The following CGNL1 variants were observed in gnomAD, a reference collection of about 807,000 sequenced individuals.
CGNL1 encodes the protein cingulin-like protein 1.
Under a neutral mutation model 141.2 loss-of-function variants are expected in CGNL1, and 132 were observed. The observed-to-expected ratio is 0.93, with a 90% CI of 0.81 to 1.08. The LOEUF (loss-of-function observed/expected upper bound fraction) is 1.08, where lower values mean the gene tolerates loss of function less well. CGNL1 is among the 50% of genes least tolerant of loss of function. The probability of loss-of-function intolerance (pLI) is 0.00; values close to 1 mark genes in which losing one functional copy is unlikely to be tolerated. For missense variants in CGNL1, 1,870 were observed against 1,588.6 expected, an observed-to-expected ratio of 1.18 and a Z score of -3.01; for synonymous variants, 690 against 622.1, an observed-to-expected ratio of 1.11 and a Z score of -1.63.
At chr15:57,526,766 C>T (rs1011779655) in intron 12 of CGNL1, among the ~76,000 whole-genome samples, 4 of 152,100 alleles carry the variant, frequency 2.6e-5, no homozygotes, top group African/African-American at 7.2e-5. Flanking sequence ...TCTCTTCTGC[C>T]GGCCCTCGTC....
At chr15:57,381,937 T>C (rs1323068782) in intron 1 of CGNL1, among the ~76,000 whole-genome samples, 1 of 152,218 alleles carries the variant, frequency 6.6e-6, no homozygotes, top group Non-Finnish European at 1.5e-5. Flanking sequence ...GATTAGGCTG[T>C]GCAGAAAGTC....
intron 1 of CGNL1, among the ~76,000 whole-genome samples, chr15:57,409,535 A>G (rs375742753): frequency 6.6e-6 from 1 of 152,256 alleles, no homozygotes; most frequent in South Asian, 2.1e-4. Flanking sequence ...ATATAGCTCT[A>G]ATTAGGGCCA....
chr15:57,470,197 A>G (rs570518036), intron 8 of CGNL1, among the ~76,000 whole-genome samples: 11 of 150,250 alleles, frequency 7.3e-5, no homozygotes, highest in African/African-American at 2.7e-4. Context: ...AACTTTCCAT[A>G]GGCAAAAGTG....
chr15:57,396,155 A>G (rs145027830), intron 1 of CGNL1, among the ~76,000 whole-genome samples: 1 of 152,142 alleles, frequency 6.6e-6, no homozygotes, highest in Non-Finnish European at 1.5e-5. Flanking sequence ...ATATTGCTAC[A>G]TTTCTTATTG....
In CGNL1 at chr15:57,550,327, C is replaced by T. The variant is rs11545026; in HGVS notation, c.*2837C>T. The T allele has an allele frequency of 0.038, 5,731 of 152,704 alleles. 184 individuals carry two copies. The highest frequency in any genetic ancestry group is 0.087 in the African/African-American group (3,630 of 41,554). 9.5% of individuals were successfully genotyped at this position (152,704 alleles called of 1,614,324 possible). A position where few individuals can be genotyped will look rare whatever the true frequency, so the allele number is the denominator to read the frequency against. ...GGAACAAAGTGCAGATTAGTGCCCA[C>T]GGTCCTTTCCAGGTATAACATGCTA... On this transcript the variant is annotated 3_prime_UTR_variant, in exon 19 of 19. Coordinates refer to ENST00000281282, the MANE Select transcript of CGNL1 (RefSeq NM_032866.5).
At position 57,473,835 on chromosome 15, in the gene CGNL1, C is replaced by G. The variant is rs189822463; in HGVS notation, c.2403+11943C>G. Among the ~76,000 whole-genome samples, 11 of 151,246 alleles carry G rather than the reference C, an allele frequency of 7.3e-5. 1 individual carries two copies. Among genetic ancestry groups the G allele is most frequent in the Admixed American group, 4.6e-4 (7 of 15,200 alleles). ...CCTTGACTAACATCTTGACTGCAGCCTCATCAGAAACCCTGAGCCAGAACT... is the reference window on the plus strand; with the variant it reads ...CCTTGACTAACATCTTGACTGCAGCGTCATCAGAAACCCTGAGCCAGAACT... On this transcript the variant is annotated intron_variant, in intron 8 of 18. Coordinates refer to ENST00000281282, the MANE Select transcript of CGNL1 (RefSeq NM_032866.5).
chr15:57,545,095 C>A (rs1473463286), intron 16 of CGNL1, among the ~76,000 whole-genome samples: 1 of 152,184 alleles, frequency 6.6e-6, no homozygotes, highest in Admixed American at 6.5e-5. Context: ...CAGTTCTCTG[C>A]AGCTAACTCT....
intron 1 of CGNL1, among the ~76,000 whole-genome samples, chr15:57,432,932 A>G (rs1247255049): frequency 2.0e-5 from 3 of 152,122 alleles, no homozygotes; most frequent in Non-Finnish European, 4.4e-5. Flanking sequence ...TTGAAATGTA[A>G]TTAGTGTTGA....
At position 57,547,830 on chromosome 15, in the gene CGNL1, G is replaced by C. The variant is rs545746197; in HGVS notation, c.*340G>C. On this transcript the variant is annotated 3_prime_UTR_variant, in exon 19 of 19. Transcript: ENST00000281282. Reference sequence around the variant, plus strand: ...TCATCACTCCCCCTGCCAAGACAAAGGGTCCAGAAGGCTAGGACTTACTTA... The same window carrying C: ...TCATCACTCCCCCTGCCAAGACAAACGGTCCAGAAGGCTAGGACTTACTTA... The C allele has an allele frequency of 1.5e-5, 4 of 261,910 alleles. No homozygotes were observed. The South Asian group carries it at 2.7e-4, about 18-fold the overall frequency. 16.2% of individuals were successfully genotyped at this position (261,910 alleles called of 1,614,324 possible).
chr15:57,507,354 G>T lies in CGNL1; in HGVS notation c.2404-9426G>T, dbSNP rs1017317907. On this transcript the variant is annotated intron_variant, in intron 8 of 18. Coordinates refer to ENST00000281282, the MANE Select transcript of CGNL1 (RefSeq NM_032866.5). ...TGTGAGCAAATATGAGGATTTTATT[G>T]TCGTAACTTTTGTCTTGGACCTATA... 2.6e-5 allele frequency among the ~76,000 whole-genome samples: 4 copies of T among 152,110 alleles called. No homozygotes were observed. The South Asian group carries it at 6.2e-4, about 24-fold the overall frequency.
intron 1 of CGNL1, among the ~76,000 whole-genome samples, chr15:57,412,769 AC>A (rs2062804517): frequency 6.6e-6 from 1 of 152,042 alleles, no homozygotes; most frequent in African/African-American, 2.4e-5. Context: ...TCACATGACA[AC>A]CATTCTGGTA....
Position 57,452,152 on chromosome 15 carries a change from C to G in CGNL1, c.1917C>G (p.Asn639Lys). The G allele has an allele frequency of 6.2e-7, 1 of 1,612,136 alleles. No homozygotes were observed. The highest frequency in any genetic ancestry group is 1.1e-5 in the South Asian group (1 of 90,746). ...CTGATTCCTGTTAGAATCAACAGAACATTAAAGAAGAGAGAGAGAGGATGA... is the reference window on the plus strand; with the variant it reads ...CTGATTCCTGTTAGAATCAACAGAAGATTAAAGAAGAGAGAGAGAGGATGA... The part of the protein sequence containing the change: ...QLQLEVKNQQ[N>K]IKEERERMRA... The change falls in exon 6 of 19, where the codon AAC (asparagine) becomes AAG (lysine). Residue 639 changes from asparagine (N) to lysine (K), a missense_variant. By Grantham distance (94) the Asn-to-Lys change is moderately conservative. Coordinates refer to ENST00000281282, the MANE Select transcript of CGNL1 (RefSeq NM_032866.5).
chr15:57,446,726 G>C (rs1348168678), intron 4 of CGNL1, among the ~76,000 whole-genome samples: 2 of 145,726 alleles, frequency 1.4e-5, no homozygotes, highest in African/African-American at 5.1e-5. Context: ...ATATCTGAGA[G>C]TATAATTTGT....
chr15:57,513,253 G>GTGTGT (rs2030479082), intron 8 of CGNL1, among the ~76,000 whole-genome samples: 2 of 133,892 alleles, frequency 1.5e-5, no homozygotes, highest in Admixed American at 7.4e-5. Flanking sequence ...TGTCAATATG[G>GTGTGT]GTGTGTGTGT....
chr15:57,423,100 C>A (rs1314012584), intron 1 of CGNL1, among the ~76,000 whole-genome samples: 1 of 152,142 alleles, frequency 6.6e-6, no homozygotes, highest in African/African-American at 2.4e-5. Context: ...TTTTTGCCGG[C>A]ATTCCCAGGA....
chr15:57,434,877 A>G (rs1346747172), intron 1 of CGNL1, among the ~76,000 whole-genome samples: 1 of 152,186 alleles, frequency 6.6e-6, no homozygotes, highest in Admixed American at 6.5e-5. Context: ...TTAGAAAACT[A>G]CTGGAAGTGT....
chr15:57,382,481 G>T (rs1296118933), intron 1 of CGNL1, among the ~76,000 whole-genome samples: 1 of 152,198 alleles, frequency 6.6e-6, no homozygotes, highest in African/African-American at 2.4e-5. Context: ...AGGGATTTCT[G>T]CTTTGCTTTG....
intron 1 of CGNL1, among the ~76,000 whole-genome samples, chr15:57,434,118 G>A (rs189414685): frequency 3.9e-5 from 6 of 152,312 alleles, no homozygotes; most frequent in Admixed American, 3.9e-4. Context: ...AGAAGATGGT[G>A]TTGTTGCAGA....
At chr15:57,390,016 A>G (rs1331395718) in intron 1 of CGNL1, among the ~76,000 whole-genome samples, 2 of 152,178 alleles carry the variant, frequency 1.3e-5, no homozygotes, top group Non-Finnish European at 2.9e-5. Context: ...GGGTTTTGCC[A>G]TGTTGGCCGG....
Sources: allele counts gnomAD v4.1 joint callset (sites outside exome capture counted in the v4.1 genomes callset), GRCh38; gene constraint gnomAD v4.1.1; transcripts MANE v1.5; gene names NCBI Gene and HGNC (gene_info 2026-07-23, HGNC 2026-07-21).